ANAPC10: variants seen among roughly 807,000 people sequenced by gnomAD.
ANAPC10 encodes the protein anaphase promoting complex subunit 10.
Under a neutral mutation model 22.0 loss-of-function variants are expected in ANAPC10, and 12 were observed. That is an observed-to-expected ratio of 0.55 (90% CI 0.35 to 0.88). The LOEUF (loss-of-function observed/expected upper bound fraction) is 0.88, where lower values mean the gene tolerates loss of function less well. Ranked by LOEUF, ANAPC10 falls within the 40% of genes least tolerant of loss-of-function variation. ANAPC10 has a pLI of 0.01. For missense variants in ANAPC10, 188 were observed against 220.9 expected, an observed-to-expected ratio of 0.85 and a Z score of 0.94; for synonymous variants, 65 against 69.5, an observed-to-expected ratio of 0.94 and a Z score of 0.32.
At chr4:145,059,868 A>C (rs781781651) in intron 4 of ANAPC10, among the ~76,000 whole-genome samples, 57 of 152,090 alleles carry the variant, frequency 3.7e-4, no homozygotes, top group Non-Finnish European at 7.4e-4. Flanking sequence ...AAAATCTCAC[A>C]CATTATTTTT....
At chr4:145,018,748 G>A (rs987838960) in intron 4 of ANAPC10, among the ~76,000 whole-genome samples, 1 of 152,040 alleles carries the variant, frequency 6.6e-6, no homozygotes. Flanking sequence ...TAAAGGAGTG[G>A]AAAAAGGCAT....
At chr4:145,097,201 C>CA (rs1748686485) in intron 1 of ANAPC10, 1 of 330,844 alleles carries the variant, frequency 3.0e-6, no homozygotes, top group Admixed American at 4.2e-5. Flanking sequence ...GACACTGTCC[C>CA]AAAAAGCACA....
chr4:145,001,545 AC>A (rs1490976551), intron 4 of ANAPC10, among the ~76,000 whole-genome samples: 1 of 152,192 alleles, frequency 6.6e-6, no homozygotes, highest in African/African-American at 2.4e-5. Flanking sequence ...GTTCTTAAAT[AC>A]TGTAAGATTA....
intron 4 of ANAPC10, among the ~76,000 whole-genome samples, chr4:145,037,643 C>T (rs1738791358): frequency 6.6e-6 from 1 of 151,984 alleles, no homozygotes; most frequent in South Asian, 2.1e-4. Context: ...TAAACAATTG[C>T]TTATTTAAAA....
At position 145,058,918 on chromosome 4, in the gene ANAPC10, G is replaced by A. The variant is rs191018774; in HGVS notation, c.327+5654C>T. Reference sequence around the variant, plus strand: ...ACATTTTTTGGCCTAAAAATTATGTGTATCACACCAAAACATTCTACAATG... The same window carrying A: ...ACATTTTTTGGCCTAAAAATTATGTATATCACACCAAAACATTCTACAATG... On this transcript the variant is annotated intron_variant, in intron 4 of 4. Transcript: ENST00000507656. Among the ~76,000 whole-genome samples the A allele has an allele frequency of 6.6e-5, 10 of 152,164 alleles. No individual in the cohort carries two copies. In the East Asian group the frequency reaches 1.7e-3, roughly 26 times the overall value.
chr4:145,038,294 C>T (rs1179248472), intron 4 of ANAPC10, among the ~76,000 whole-genome samples: 1 of 151,876 alleles, frequency 6.6e-6, no homozygotes, highest in Non-Finnish European at 1.5e-5. Flanking sequence ...AGGTGGATTG[C>T]CTGAAGTCAG....
intron 4 of ANAPC10, among the ~76,000 whole-genome samples, chr4:145,034,643 T>C (rs1738229125): frequency 6.6e-6 from 1 of 150,830 alleles, no homozygotes; most frequent in Non-Finnish European, 1.5e-5. Context: ...ATATCCTATA[T>C]ACAGGATAAA....
At chr4:145,015,464 T>C (rs1228820320) in intron 4 of ANAPC10, among the ~76,000 whole-genome samples, 1 of 151,698 alleles carries the variant, frequency 6.6e-6, no homozygotes, top group Non-Finnish European at 1.5e-5. Flanking sequence ...AACTTAAGAA[T>C]AATCGGTGTT....
intron 2 of ANAPC10, among the ~76,000 whole-genome samples, chr4:145,087,284 T>C (rs1747037712): frequency 6.6e-6 from 1 of 152,212 alleles, no homozygotes; most frequent in Admixed American, 6.5e-5. Context: ...TAGACTGCCT[T>C]TATGAATAAA....
chr4:145,036,858 C>T (rs531081519), intron 4 of ANAPC10, among the ~76,000 whole-genome samples: 1 of 152,172 alleles, frequency 6.6e-6, no homozygotes, highest in Admixed American at 6.5e-5. Context: ...TACATATTCA[C>T]AGTGGTAAAA....
chr4:145,090,284 AT>A, intron 2 of ANAPC10, among the ~76,000 whole-genome samples: 1 of 152,030 alleles, frequency 6.6e-6, no homozygotes, highest in South Asian at 2.1e-4. Flanking sequence ...TTGTTTTTCT[AT>A]TTGTGTTATT....
chr4:145,025,567 T>A (rs991788517), intron 4 of ANAPC10, among the ~76,000 whole-genome samples: 1 of 152,138 alleles, frequency 6.6e-6, no homozygotes, highest in Non-Finnish European at 1.5e-5. Context: ...GGGTTTGCCA[T>A]CTTACATGGG....
At chr4:145,094,149 G>T (rs1360245315) in intron 2 of ANAPC10, among the ~76,000 whole-genome samples, 3 of 152,160 alleles carry the variant, frequency 2.0e-5, no homozygotes, top group African/African-American at 4.8e-5. Context: ...CCATATTGTG[G>T]AACAGTAATC....
Position 144,998,093 on chromosome 4 carries a change from G to A in ANAPC10, c.328-2490C>T, listed in dbSNP as rs1425664138. ...CAGATTCATAAAGCAAGTCCTTAGA[G>A]ATCTATAAAGAGACTTAGACTCCCA... On this transcript the variant is annotated intron_variant, in intron 4 of 4. Transcript: ENST00000507656. Among the ~76,000 whole-genome samples the A allele has an allele frequency of 2.0e-5, 3 of 152,278 alleles. No homozygotes were observed. In the South Asian group the frequency reaches 6.2e-4, roughly 32 times the overall value.
chr4:145,068,423 C>T (rs138183688), intron 3 of ANAPC10, among the ~76,000 whole-genome samples: 1,677 of 152,016 alleles, frequency 0.011, 11 homozygotes, highest in Admixed American at 0.019. Context: ...ATGTGATAGA[C>T]GATAGCTTTA....
At chr4:145,055,698 C>G (rs961884219) in intron 4 of ANAPC10, among the ~76,000 whole-genome samples, 1 of 152,064 alleles carries the variant, frequency 6.6e-6, no homozygotes, top group African/African-American at 2.4e-5. Context: ...TATGAGGTAT[C>G]TAAAGCAGTC....
chr4:145,073,022 A>G (rs1163388501), intron 3 of ANAPC10, among the ~76,000 whole-genome samples: 1 of 151,944 alleles, frequency 6.6e-6, no homozygotes, highest in African/African-American at 2.4e-5. Context: ...CTTCCTGAAT[A>G]GCTGAGACTA....
intron 4 of ANAPC10, among the ~76,000 whole-genome samples, chr4:145,041,810 T>G (rs1411810089): frequency 6.6e-6 from 1 of 152,162 alleles, no homozygotes; most frequent in Non-Finnish European, 1.5e-5. Context: ...AATTAAAAGA[T>G]TCATACAACA....
intron 4 of ANAPC10, among the ~76,000 whole-genome samples, chr4:145,034,148 T>C (rs1016218634): frequency 6.6e-6 from 1 of 152,138 alleles, no homozygotes; most frequent in African/African-American, 2.4e-5. Context: ...CTTGCGATGG[T>C]TAATACTGAA....
Sources: allele counts gnomAD v4.1 joint callset (sites outside exome capture counted in the v4.1 genomes callset), GRCh38; gene constraint gnomAD v4.1.1; transcripts MANE v1.5; gene names NCBI Gene and HGNC (gene_info 2026-07-23, HGNC 2026-07-21).